Variants in DNER observed in about 807,000 individuals in gnomAD.
DNER encodes delta/notch like EGF repeat containing, also known as delta and Notch-like epidermal growth factor-related receptor.
Under a neutral mutation model 78.2 loss-of-function variants are expected in DNER, and 33 were observed. That is an observed-to-expected ratio of 0.42 (90% CI 0.32 to 0.56). DNER has a LOEUF of 0.56. Among genes scored for constraint, DNER ranks in the 20% least tolerant of loss-of-function variants. DNER has a pLI of 0.11. For synonymous variants in DNER, 417 were observed against 384.8 expected, an observed-to-expected ratio of 1.08 and a Z score of -0.98; for missense variants, 918 against 975.3, an observed-to-expected ratio of 0.94 and a Z score of 0.78.
chr2:229,369,247 T>TA (rs1157050614), intron 11 of DNER, among the ~76,000 whole-genome samples: 3 of 150,474 alleles, frequency 2.0e-5, no homozygotes, highest in South Asian at 2.1e-4. Flanking sequence ...CTAAAAAGTT[T>TA]AAAAAAAAAG....
intron 1 of DNER, among the ~76,000 whole-genome samples, chr2:229,663,004 G>GGTGATCCTC (rs1699033566): frequency 6.6e-6 from 1 of 152,092 alleles, no homozygotes. Flanking sequence ...TCTAAGATTG[G>GGTGATCCTC]GTGCTCCTCG....
chr2:229,604,294 C>T (rs1364099194), intron 1 of DNER, among the ~76,000 whole-genome samples: 8 of 152,134 alleles, frequency 5.3e-5, no homozygotes, highest in Admixed American at 2.0e-4. Context: ...ACAAATGACA[C>T]CAATGTGGGG....
intron 8 of DNER, among the ~76,000 whole-genome samples, chr2:229,446,975 A>C (rs1694354619): frequency 6.6e-6 from 1 of 152,240 alleles, no homozygotes; most frequent in Non-Finnish European, 1.5e-5. Flanking sequence ...ACTTACAGTA[A>C]ATTGATAAAA....
chr2:229,669,875 C>T (rs944218153), intron 1 of DNER, among the ~76,000 whole-genome samples: 7 of 152,150 alleles, frequency 4.6e-5, no homozygotes, highest in Non-Finnish European at 7.4e-5. Flanking sequence ...TCGTCCATAA[C>T]ACACAGGTTG....
chr2:229,668,081 A>G (rs529288186), intron 1 of DNER, among the ~76,000 whole-genome samples: 112 of 152,328 alleles, frequency 7.4e-4, no homozygotes, highest in Non-Finnish European at 1.5e-3. Context: ...TGATACTTAA[A>G]GCATTATAGA....
intron 10 of DNER, among the ~76,000 whole-genome samples, chr2:229,406,446 G>T (rs920047833): frequency 2.0e-5 from 3 of 152,118 alleles, no homozygotes; most frequent in African/African-American, 4.8e-5. Flanking sequence ...GGAACATTTT[G>T]TCTCCGGTGG....
intron 1 of DNER, among the ~76,000 whole-genome samples, chr2:229,593,276 C>G (rs1697642085): frequency 6.6e-6 from 1 of 152,188 alleles, no homozygotes; most frequent in Admixed American, 6.5e-5. Context: ...TCCCTTGTAG[C>G]CTACTGTCCT....
rs188176199 is a variant in DNER at position 229,358,347 on chromosome 2, C to A, written c.*193G>T. 1.0e-4 allele frequency: 45 copies of A among 434,184 alleles called. No homozygotes were observed. The highest frequency in any genetic ancestry group is 1.6e-5 in the Non-Finnish European group (4 of 245,746). The allele number at this position is 434,184 out of a possible 1,614,324, so 26.9% of individuals were successfully genotyped here. ...GAGAGCTGAAGGTACATTAAAACATCGTCTATAGGTTTCACAAATTTTGTT... is the reference window on the plus strand; with the variant it reads ...GAGAGCTGAAGGTACATTAAAACATAGTCTATAGGTTTCACAAATTTTGTT... On this transcript the variant is annotated 3_prime_UTR_variant, in exon 13 of 13. Transcript: ENST00000341772.
At chr2:229,508,351 C>A (rs1056913907) in intron 6 of DNER, among the ~76,000 whole-genome samples, 1 of 152,136 alleles carries the variant, frequency 6.6e-6, no homozygotes, top group African/African-American at 2.4e-5. Context: ...ACATACACAA[C>A]AGAAGACATA....
intron 9 of DNER, among the ~76,000 whole-genome samples, chr2:229,413,318 C>CTTTTTTTTT (rs751043233): frequency 6.7e-5 from 6 of 89,486 alleles, no homozygotes; most frequent in Non-Finnish European, 1.1e-4. Flanking sequence ...TCTTTTTCTT[C>CTTTTTTTTT]TTCTTTTTTT....
intron 5 of DNER, among the ~76,000 whole-genome samples, chr2:229,542,253 C>G (rs16826163): frequency 0.12 from 17,900 of 151,820 alleles, 1,175 homozygotes; most frequent in African/African-American, 0.16. Flanking sequence ...TTTTTTTAAG[C>G]AGAAGGAAAG....
chr2:229,627,339 G>C (rs1198990873), intron 1 of DNER, among the ~76,000 whole-genome samples: 1 of 152,118 alleles, frequency 6.6e-6, no homozygotes, highest in African/African-American at 2.4e-5. Context: ...AAGGAAAATA[G>C]CTCAACAGGT....
chr2:229,596,318 G>A (rs573606380), intron 1 of DNER, among the ~76,000 whole-genome samples: 12 of 152,324 alleles, frequency 7.9e-5, no homozygotes, highest in African/African-American at 2.6e-4. Context: ...AAGTCAAGGC[G>A]GAGCCTTAAA....
intron 1 of DNER, among the ~76,000 whole-genome samples, chr2:229,668,528 G>GTA (rs1699142183): frequency 2.0e-5 from 1 of 49,614 alleles, no homozygotes; most frequent in Non-Finnish European, 3.3e-5. Context: ...GTGTGTGTGT[G>GTA]TGTGTGTGTA....
chr2:229,571,131 A>C (rs956802649), intron 4 of DNER, among the ~76,000 whole-genome samples: 1 of 152,036 alleles, frequency 6.6e-6, no homozygotes, highest in Non-Finnish European at 1.5e-5. Context: ...AGTAGCCGTG[A>C]AGGTGGAGAA....
intron 5 of DNER, among the ~76,000 whole-genome samples, chr2:229,539,706 A>T (rs1696476103): frequency 6.6e-6 from 1 of 152,136 alleles, no homozygotes; most frequent in Admixed American, 6.5e-5. Context: ...GCACCATGCT[A>T]GTTGTTACGA....
intron 11 of DNER, among the ~76,000 whole-genome samples, chr2:229,374,219 A>G (rs1692550588): frequency 6.6e-6 from 1 of 151,704 alleles, no homozygotes; most frequent in Non-Finnish European, 1.5e-5. Flanking sequence ...AGGCCACAAC[A>G]ATAGACATTA....
chr2:229,582,903 T>C (rs1467542626), intron 4 of DNER, among the ~76,000 whole-genome samples: 1 of 152,170 alleles, frequency 6.6e-6, no homozygotes, highest in African/African-American at 2.4e-5. Context: ...CCTCCCAAAG[T>C]GCTCGGATTA....
chr2:229,632,308 G>A (rs115226559), intron 1 of DNER, among the ~76,000 whole-genome samples: 2,122 of 152,318 alleles, frequency 0.014, 22 homozygotes, highest in Non-Finnish European at 0.023. Context: ...AAAACATTGA[G>A]TAGGAGACTC....
Sources: gnomAD v4.1 joint callset for allele counts (sites outside exome capture counted in the v4.1 genomes callset) on GRCh38, gnomAD v4.1.1 for gene constraint, MANE v1.5 for transcripts, NCBI Gene and HGNC (gene_info 2026-07-23, HGNC 2026-07-21) for gene names.